The following ADAMDEC1 variants were observed in gnomAD, a reference collection of about 807,000 sequenced individuals.
The protein encoded by ADAMDEC1 is ADAM like decysin 1.
Under a neutral mutation model 60.4 loss-of-function variants are expected in ADAMDEC1, and 62 were observed. The ratio of observed to expected loss-of-function variants is 1.03; its 90% CI spans 0.84 to 1.27. The LOEUF (loss-of-function observed/expected upper bound fraction) is 1.27, where lower values mean the gene tolerates loss of function less well. ADAMDEC1 is among the 50% of genes most tolerant of loss of function. The pLI, the probability that ADAMDEC1 is intolerant of heterozygous loss-of-function variation, is 0.00. For synonymous variants in ADAMDEC1, 210 were observed against 195.1 expected (o/e 1.08, Z -0.64); for missense variants, 595 against 565.0 (o/e 1.05, Z -0.54).
chr8:24,390,568 A>C (rs6985830), intron 1 of ADAMDEC1, among the ~76,000 whole-genome samples: 3,544 of 152,146 alleles, frequency 0.023, 137 homozygotes, highest in African/African-American at 0.082. Context: ...AAAAATACAA[A>C]AATTAGCCAG....
Position 24,393,352 on chromosome 8 carries a change from C to A in ADAMDEC1, c.284+14C>A. The stretch of plus-strand genomic sequence containing the variant: ...ACAAAAAACCAAGTAAGTTGTACCT[C>A]CTAAAAGTCTAATCACTGGATTAGG... On this transcript the variant is annotated intron_variant, in intron 3 of 13. Transcript: ENST00000256412. 6.5e-7 allele frequency: 1 copy of A among 1,534,580 alleles called. No homozygotes were observed. The highest frequency in any genetic ancestry group is 8.9e-7 in the Non-Finnish European group (1 of 1,117,742).
chr8:24,387,796 G>C (rs1371858470), intron 1 of ADAMDEC1: 1 of 152,234 alleles, frequency 6.6e-6, no homozygotes, highest in Non-Finnish European at 1.5e-5. Context: ...GTCACAATCT[G>C]TTGCAGCATT....
At chr8:24,401,328 A>G (rs187599626) in intron 11 of ADAMDEC1, among the ~76,000 whole-genome samples, 1 of 152,288 alleles carries the variant, frequency 6.6e-6, no homozygotes, top group African/African-American at 2.4e-5. Flanking sequence ...AAAAATATTA[A>G]TCTCATTATG....
At chr8:24,404,365 G>A (rs746651955) in intron 13 of ADAMDEC1, among the ~76,000 whole-genome samples, 2 of 152,098 alleles carry the variant, frequency 1.3e-5, no homozygotes, top group African/African-American at 2.4e-5. Context: ...AGAACGATGA[G>A]TTTAATACAA....
At position 24,401,969 on chromosome 8, in the gene ADAMDEC1, C is replaced by T. The variant is rs760965779; in HGVS notation, c.1197C>T (p.Tyr399=). ...CTTGCCGTGCACATTTTGAAAGATA[C>T]CTTTTATCTCAGAAACCAAAGTGCC... ...STSCRAHFER[Y]LLSQKPKCLL... Residue 399 remains tyrosine (Y), a synonymous_variant, in exon 12 of 14, where the codon TAC becomes TAT. Coordinates refer to ENST00000256412, the MANE Select transcript of ADAMDEC1 (RefSeq NM_014479.3). 6.8e-6 allele frequency: 11 copies of T among 1,613,104 alleles called. No homozygotes were observed. The highest frequency in any genetic ancestry group is 2.7e-5 in the African/African-American group (2 of 74,896).
At chr8:24,400,323 G>A (rs1377544254) in intron 11 of ADAMDEC1, 23 bp downstream of exon 11, 3 of 1,574,400 alleles carry the variant, frequency 1.9e-6, no homozygotes, top group Non-Finnish European at 1.7e-6. Flanking sequence ...CATCCTAAAA[G>A]GAGAGAGATA....
At chr8:24,401,294 A>G (rs1817759858) in intron 11 of ADAMDEC1, among the ~76,000 whole-genome samples, 1 of 152,110 alleles carries the variant, frequency 6.6e-6, no homozygotes, top group Admixed American at 6.6e-5. Flanking sequence ...AATAATTCCA[A>G]CTGAAAATGA....
At chr8:24,391,600 C>T (rs1817446310) in intron 1 of ADAMDEC1, among the ~76,000 whole-genome samples, 1 of 152,102 alleles carries the variant, frequency 6.6e-6, no homozygotes, top group African/African-American at 2.4e-5. Flanking sequence ...AACAATCTTC[C>T]TACTTCCTCT....
Position 24,402,111 on chromosome 8 carries a change from A to G in ADAMDEC1, c.1320+19A>G. 6.4e-7 allele frequency: 1 copy of G among 1,558,314 alleles called. No homozygotes were observed. The highest frequency in any genetic ancestry group is 8.7e-7 in the Non-Finnish European group (1 of 1,151,122). ...TCCTAAGGTATTATTTATTAGAATT[A>G]TTGGGGCAGAAGAATTATGCAGTTT... On this transcript the variant is annotated intron_variant, in intron 12 of 13. Transcript: ENST00000256412.
intron 4 of ADAMDEC1, 68 bp downstream of exon 4, chr8:24,394,215 T>G: frequency 8.0e-7 from 1 of 1,249,386 alleles, no homozygotes; most frequent in South Asian, 1.3e-5. Flanking sequence ...TAATGTTAAC[T>G]AAGATCTCCA....
At chr8:24,387,293 G>A (rs1176818201) in intron 1 of ADAMDEC1, 1 of 152,194 alleles carries the variant, frequency 6.6e-6, no homozygotes, top group Non-Finnish European at 1.5e-5. Flanking sequence ...AGAGGGCTCA[G>A]GGAAAATATT....
chr8:24,390,675 G>A (rs1349490433), intron 1 of ADAMDEC1, among the ~76,000 whole-genome samples: 7 of 151,892 alleles, frequency 4.6e-5, no homozygotes, highest in Non-Finnish European at 1.5e-5. Flanking sequence ...AGTCAAGATC[G>A]GGCCACTGTA....
intron 9 of ADAMDEC1, 49 bp downstream of exon 9, chr8:24,399,089 C>A: frequency 6.4e-7 from 1 of 1,564,984 alleles, no homozygotes; most frequent in South Asian, 1.2e-5. Context: ...ATAGCTATCC[C>A]CAGGGTTCCT....
At chr8:24,395,669 TAC>T (rs3830352) in intron 4 of ADAMDEC1, 49 bp from the exon 5 acceptor site, 23,045 of 1,012,002 alleles carry the variant, frequency 0.023, no homozygotes, top group South Asian at 0.028. Context: ...CACACTCACA[TAC>T]ACACACACAC....
At chr8:24,386,023 G>T (rs774208974) in intron 1 of ADAMDEC1, among the ~76,000 whole-genome samples, 17 of 151,892 alleles carry the variant, frequency 1.1e-4, no homozygotes, top group Non-Finnish European at 2.2e-4. Context: ...TTCTAGAAAA[G>T]TGAAACTTGT....
chr8:24,399,064 A>T, intron 9 of ADAMDEC1, 24 bp downstream of exon 9: 4 of 1,602,340 alleles, frequency 2.5e-6, no homozygotes, highest in Non-Finnish European at 2.6e-6. Context: ...GGCCAGGTGA[A>T]TGTAGGCAGA....
intron 1 of ADAMDEC1, among the ~76,000 whole-genome samples, chr8:24,384,857 A>C (rs1365661288): frequency 2.6e-5 from 4 of 152,202 alleles, no homozygotes; most frequent in African/African-American, 9.6e-5. Flanking sequence ...ATATTTTAAC[A>C]AATTTTATGT....
At chr8:24,401,869 G>T (rs770939860) in intron 11 of ADAMDEC1, 46 bp from the exon 12 acceptor site, 1 of 1,404,460 alleles carries the variant, frequency 7.1e-7, no homozygotes, top group Non-Finnish European at 9.8e-7. Flanking sequence ...CACGCAGAAG[G>T]CACCACACTG....
rs190630904 is a variant in ADAMDEC1 at position 24,399,033 on chromosome 8, C to A, written c.922C>A (p.Leu308Ile). 6.2e-7 allele frequency: 1 copy of A among 1,612,410 alleles called. No homozygotes were observed. The highest frequency in any genetic ancestry group is 2.2e-5 in the East Asian group (1 of 44,762). ...LGKKIHDHAQ[L>I]LSGISFNNRR... The stretch of plus-strand genomic sequence containing the variant: ...GAAAAAGATCCACGACCATGCTCAG[C>A]TTCTCAGGTGAGCACATGCTGGCCA... Residue 308 changes from leucine to isoleucine, a missense_variant, in exon 9 of 14, where the codon CTT (leucine) becomes ATT (isoleucine). Leu to Ile is a conservative substitution (Grantham distance 5). Transcript: ENST00000256412.
Sources: gnomAD v4.1 joint callset for allele counts (sites outside exome capture counted in the v4.1 genomes callset) on GRCh38, gnomAD v4.1.1 for gene constraint, MANE v1.5 for transcripts, NCBI Gene and HGNC (gene_info 2026-07-23, HGNC 2026-07-21) for gene names.